The following SLC5A2 variants were observed in gnomAD, a reference collection of about 807,000 sequenced individuals.
SLC5A2 encodes solute carrier family 5 member 2.
SLC5A2 carries 67 observed loss-of-function variants against 69.0 expected under a neutral mutation model. That is an observed-to-expected ratio of 0.97 (90% CI 0.80 to 1.19). The LOEUF is 1.19. Ranked by LOEUF, SLC5A2 falls within the 50% of genes most tolerant of loss-of-function variation. The pLI, the probability that SLC5A2 is intolerant of heterozygous loss-of-function variation, is 0.00. For missense variants in SLC5A2, 1,001 were observed against 921.5 expected (o/e 1.09, Z -1.12); for synonymous variants, 455 against 395.8 (o/e 1.15, Z -1.78).
At chr16:31,488,238 CCCT>C (rs2082516757) in intron 8 of SLC5A2, 65 bp downstream of exon 8, 4 of 1,612,438 alleles carry the variant, frequency 2.5e-6, no homozygotes, top group African/African-American at 2.7e-5. Flanking sequence ...AGTTCCGTCA[CCCT>C]CCTAAGACTC....
At position 31,488,492 on chromosome 16, in the gene SLC5A2, T is replaced by C; in HGVS notation, c.1129+2T>C. ...TCGTCGTGAAGCTCATGCCCAACGG[T>C]AAGGGCAGCCCCGGGCCACAGGCGC... On this transcript the variant is annotated splice_donor_variant, in intron 9 of 13. Transcript: ENST00000330498. LOFTEE classifies it high-confidence loss of function. The C allele has an allele frequency of 6.2e-7, 1 of 1,606,516 alleles. No individual in the cohort carries two copies.
intron 9 of SLC5A2, 40 bp from the exon 10 acceptor site, chr16:31,488,582 C>A: frequency 6.2e-7 from 1 of 1,609,312 alleles, no homozygotes; most frequent in East Asian, 2.2e-5. Flanking sequence ...CGCCCTGGAC[C>A]CCCAGTGGCC....
Position 31,488,995 on chromosome 16 carries a change from C to T in SLC5A2, c.1396C>T (p.Pro466Ser). 3 of 1,600,778 alleles carry T rather than the reference C, an allele frequency of 1.9e-6. No individual in the cohort carries two copies. Among genetic ancestry groups the T allele is most frequent in the South Asian group, 2.2e-5 (2 of 91,078 alleles). The change falls in exon 11 of 14, where the codon CCC becomes TCC. Residue 466 changes from proline to serine, a missense_variant. Physicochemically the swap from Pro to Ser is moderately conservative, Grantham distance 74. Transcript: ENST00000330498. ...GGCAGTCTCTAGCTACCTGGCACCG[C>T]CCGTGTCCGCCGTCTTCGTGCTGGC... is the stretch of plus-strand genomic sequence containing the variant. ...IQAVSSYLAP[P>S]VSAVFVLALF...
chr16:31,488,331 G>T, intron 8 of SLC5A2, 52 bp from the exon 9 acceptor site: 1 of 1,604,710 alleles, frequency 6.2e-7, no homozygotes, highest in Non-Finnish European at 8.5e-7. Context: ...CCACCTCCTG[G>T]GATTCCCAGA....
rs1441596672 is a variant in SLC5A2, at chr16:31,488,648, A to T, written c.1156A>T (p.Met386Leu). ...TCTGCGCGGACTCATGCTGGCGGTC[A>T]TGCTGGCCGCGCTCATGTCCTCGCT... is the stretch of plus-strand genomic sequence containing the variant. The part of the protein sequence containing the change: ...NGLRGLMLAV[M>L]LAALMSSLAS... Residue 386 changes from methionine (M) to leucine (L), a missense_variant, in exon 10 of 14, where the codon ATG (methionine) becomes TTG (leucine). By Grantham distance (15) the Met-to-Leu change is conservative (BLOSUM62 2). Coordinates refer to ENST00000330498, the MANE Select transcript of SLC5A2 (RefSeq NM_003041.4). 6.2e-7 allele frequency: 1 copy of T among 1,611,926 alleles called. No individual in the cohort carries two copies.
intron 1 of SLC5A2, among the ~76,000 whole-genome samples, chr16:31,484,094 A>G (rs1285833631): frequency 6.6e-6 from 1 of 151,984 alleles, no homozygotes. Context: ...GTCTCTAAAA[A>G]GAAAGACAGA....
chr16:31,488,642 G>T lies in SLC5A2; in HGVS notation c.1150G>T (p.Ala384Ser). 6.2e-7 allele frequency: 1 copy of T among 1,611,444 alleles called. No individual in the cohort carries two copies. Among genetic ancestry groups the T allele is most frequent in the South Asian group, 1.1e-5 (1 of 90,988 alleles). Residue 384 changes from alanine (A) to serine (S), a missense_variant, in exon 10 of 14, where the codon GCG becomes TCG. Ala to Ser is a moderately conservative substitution (Grantham distance 99). Coordinates refer to ENST00000330498, the MANE Select transcript of SLC5A2 (RefSeq NM_003041.4). ...MPNGLRGLML[A>S]VMLAALMSSL... Reference sequence around the variant, plus strand: ...CGCAGGTCTGCGCGGACTCATGCTGGCGGTCATGCTGGCCGCGCTCATGTC... The same window carrying T: ...CGCAGGTCTGCGCGGACTCATGCTGTCGGTCATGCTGGCCGCGCTCATGTC...
Position 31,487,419 on chromosome 16 carries a change from G to A in SLC5A2, c.655+19G>A, listed in dbSNP as rs1194327668. The A allele has an allele frequency of 2.5e-6, 4 of 1,612,998 alleles. No homozygotes were observed. The highest frequency in any genetic ancestry group is 1.6e-4 in the Middle Eastern group (1 of 6,062). On this transcript the variant is annotated intron_variant, in intron 6 of 13. Coordinates refer to ENST00000330498, the MANE Select transcript of SLC5A2 (RefSeq NM_003041.4). ...GGTTACGGTAGGGGCTCGCCTACCAGGGAGGGGCGCGGAGGGCATGGTCGC... is the reference window on the plus strand; with the variant it reads ...GGTTACGGTAGGGGCTCGCCTACCAAGGAGGGGCGCGGAGGGCATGGTCGC...
chr16:31,488,514 G>T (rs746462256), intron 9 of SLC5A2, 24 bp downstream of exon 9: 44 of 1,602,384 alleles, frequency 2.7e-5, no homozygotes, highest in Non-Finnish European at 3.5e-5. Flanking sequence ...CGGGCCACAG[G>T]CGCAAGCTCG....
chr16:31,490,561 C>T lies in SLC5A2; in HGVS notation c.*26C>T. ...GACCAACTGCGTTGGACACCATAAGCCACAGCCTCACAGGAAGTGGGGGTG... is the reference window on the plus strand; with the variant it reads ...GACCAACTGCGTTGGACACCATAAGTCACAGCCTCACAGGAAGTGGGGGTG... On this transcript the variant is annotated 3_prime_UTR_variant, in exon 14 of 14. Coordinates refer to ENST00000330498, the MANE Select transcript of SLC5A2 (RefSeq NM_003041.4). 6.4e-7 allele frequency: 1 copy of T among 1,567,212 alleles called. No individual in the cohort carries two copies. The highest frequency in any genetic ancestry group is 1.1e-5 in the South Asian group (1 of 88,074).
intron 3 of SLC5A2, chr16:31,485,508 A>T: frequency 1.7e-6 from 1 of 605,814 alleles, no homozygotes; most frequent in Non-Finnish European, 2.9e-6. Context: ...GCCAGAAGTG[A>T]TAGCCTGGGG....
Position 31,490,631 on chromosome 16 carries a change from TGAG to T in SLC5A2, c.*97_*99del. Reference sequence around the variant, plus strand: ...CAGAAAAGGGGAAGGGGCAGTGGGGTGAGAAGGTCCTGGCTCCCCTTCTCCCGG... The same window carrying T: ...CAGAAAAGGGGAAGGGGCAGTGGGGTAAGGTCCTGGCTCCCCTTCTCCCGG... On this transcript the variant is annotated 3_prime_UTR_variant, in exon 14 of 14. Transcript: ENST00000330498. 3 of 1,183,250 alleles carry T rather than the reference TGAG, an allele frequency of 2.5e-6. No homozygotes were observed. Among genetic ancestry groups the T allele is most frequent in the Non-Finnish European group, 2.5e-6 (2 of 813,636 alleles). 73.3% of individuals were successfully genotyped at this position (1,183,250 alleles called of 1,614,324 possible).
rs1272959239 is a variant in SLC5A2, at chr16:31,484,930, C to T, written c.303+7C>T. On this transcript the variant is annotated splice_region_variant and intron_variant, in intron 3 of 13. Transcript: ENST00000330498. The stretch of plus-strand genomic sequence containing the variant: ...TGCTGGATTCGAGTGGAATGTGAGG[C>T]CCTCTTTTTTCCAATAACCCCACCC... 4 of 1,612,460 alleles carry T rather than the reference C, an allele frequency of 2.5e-6. No homozygotes were observed. Among genetic ancestry groups the T allele is most frequent in the South Asian group, 1.1e-5 (1 of 90,970 alleles).
chr16:31,483,331 G>A (rs2082470845), intron 1 of SLC5A2, 69 bp downstream of exon 1: 3 of 1,588,502 alleles, frequency 1.9e-6, no homozygotes, highest in South Asian at 2.2e-5. Flanking sequence ...GTCTCAGGGG[G>A]ACCCTAGGTG....
At chr16:31,485,620 G>C in intron 3 of SLC5A2, 109 bp from the exon 4 acceptor site, 1 of 1,381,910 alleles carries the variant, frequency 7.2e-7, no homozygotes, top group Non-Finnish European at 1.0e-6. Context: ...CTGGGCCCCA[G>C]ATGTGGCCCT....
At chr16:31,487,797 C>A in intron 7 of SLC5A2, 38 bp downstream of exon 7, 1 of 1,564,534 alleles carries the variant, frequency 6.4e-7, no homozygotes, top group Non-Finnish European at 8.7e-7. Flanking sequence ...GAGGCCGGGG[C>A]GGAGCCGAGA....
In SLC5A2 at chr16:31,490,543, T is replaced by G; in HGVS notation, c.*8T>G. 1 of 1,598,312 alleles carries G rather than the reference T, an allele frequency of 6.3e-7. No homozygotes were observed. Among genetic ancestry groups the G allele is most frequent in the Non-Finnish European group, 8.6e-7 (1 of 1,169,116 alleles). On this transcript the variant is annotated 3_prime_UTR_variant, in exon 14 of 14. Transcript: ENST00000330498. The stretch of plus-strand genomic sequence containing the variant: ...TGGGGCTTCTATGCCTAAGACCAAC[T>G]GCGTTGGACACCATAAGCCACAGCC...
In SLC5A2 at chr16:31,489,344, T is replaced by C; in HGVS notation, c.1665+6T>C. ...CGCCCATCCCCAGAAAGCACGTGAG[T>C]GGCCAGGTGCCCCAGGCAAGCACTG... On this transcript the variant is annotated splice_donor_region_variant and intron_variant, in intron 12 of 13. Transcript: ENST00000330498. The C allele has an allele frequency of 1.9e-6, 3 of 1,605,696 alleles. No individual in the cohort carries two copies. Among genetic ancestry groups the C allele is most frequent in the Non-Finnish European group, 1.7e-6 (2 of 1,179,344 alleles).
At chr16:31,489,944 G>T in intron 12 of SLC5A2, 160 bp from the exon 13 acceptor site, 1 of 921,424 alleles carries the variant, frequency 1.1e-6, no homozygotes, top group Middle Eastern at 3.2e-4. Flanking sequence ...GCACAGGGCA[G>T]CCATGTAGGG....
Sources: gnomAD v4.1 joint callset for allele counts (sites outside exome capture counted in the v4.1 genomes callset) on GRCh38, gnomAD v4.1.1 for gene constraint, MANE v1.5 for transcripts, NCBI Gene and HGNC (gene_info 2026-07-23, HGNC 2026-07-21) for gene names.